BRMS1L: variants seen among roughly 807,000 people sequenced by gnomAD.
BRMS1L encodes the protein BRMS1 like transcriptional repressor, also known as breast cancer metastasis-suppressor 1-like protein.
In BRMS1L, 23 loss-of-function variants were observed where a neutral mutation model predicts 50.3. That is an observed-to-expected ratio of 0.46 (90% CI 0.33 to 0.65). The LOEUF is 0.65. BRMS1L is among the 30% of genes least tolerant of loss of function. The probability of loss-of-function intolerance (pLI) is 0.02; values close to 1 mark genes in which losing one functional copy is unlikely to be tolerated. For synonymous variants in BRMS1L, 114 were observed against 126.9 expected, an observed-to-expected ratio of 0.90 and a Z score of 0.69; for missense variants, 286 against 386.1, an observed-to-expected ratio of 0.74 and a Z score of 2.17.
intron 4 of BRMS1L, among the ~76,000 whole-genome samples, chr14:35,840,601 GGT>G (rs1156290465): frequency 6.6e-6 from 1 of 152,066 alleles, no homozygotes; most frequent in Non-Finnish European, 1.5e-5. Context: ...GTGTTGGGAA[GGT>G]GTGTGTGTTC....
chr14:35,850,480 G>A (rs756804370), intron 4 of BRMS1L, among the ~76,000 whole-genome samples: 5 of 152,150 alleles, frequency 3.3e-5, no homozygotes, highest in Non-Finnish European at 7.4e-5. Flanking sequence ...ACAGGCGTGA[G>A]CCACTGTGCC....
intron 4 of BRMS1L, among the ~76,000 whole-genome samples, chr14:35,837,289 AT>A (rs1435027305): frequency 6.6e-6 from 1 of 151,904 alleles, no homozygotes; most frequent in Non-Finnish European, 1.5e-5. Context: ...TTCTAATTTT[AT>A]TTTTTTGTGT....
At chr14:35,833,205 A>G (rs1194416867) in intron 3 of BRMS1L, 100 bp downstream of exon 3, 10 of 1,238,560 alleles carry the variant, frequency 8.1e-6, no homozygotes, top group African/African-American at 3.0e-5. Context: ...TGGGATTACA[A>G]GCATATTTAC....
At chr14:35,843,358 G>A (rs181723036) in intron 4 of BRMS1L, among the ~76,000 whole-genome samples, 66 of 152,270 alleles carry the variant, frequency 4.3e-4, no homozygotes, top group African/African-American at 1.5e-3. Context: ...TTTGGATGGG[G>A]TTTCTCTGTG....
chr14:35,836,028 A>G (rs2077987942), intron 4 of BRMS1L, among the ~76,000 whole-genome samples: 1 of 152,236 alleles, frequency 6.6e-6, no homozygotes, highest in South Asian at 2.1e-4. Flanking sequence ...TAAAAATGAT[A>G]GAGCTCATTG....
chr14:35,841,997 G>GTTTTTT (rs2078070911), intron 4 of BRMS1L, among the ~76,000 whole-genome samples: 1 of 133,560 alleles, frequency 7.5e-6, no homozygotes, highest in African/African-American at 3.0e-5. Flanking sequence ...TGCAATCTCT[G>GTTTTTT]CTTTTTTTTT....
intron 8 of BRMS1L, 122 bp from the exon 9 acceptor site, chr14:35,867,784 T>C (rs2078440520): frequency 1.1e-6 from 1 of 912,262 alleles, no homozygotes; most frequent in East Asian, 3.0e-5. Flanking sequence ...GTTTGTTATT[T>C]AAGAAATATT....
Position 35,871,394 on chromosome 14 carries a change from C to T in BRMS1L, c.*917C>T, listed in dbSNP as rs982943571. On this transcript the variant is annotated 3_prime_UTR_variant, in exon 10 of 10. Coordinates refer to ENST00000216807, the MANE Select transcript of BRMS1L (RefSeq NM_032352.4). ...GGGATTATTTCCTTGAATCTATTTC[C>T]AAATTAATATTTTTTTCTTTGGTAT... 1 of 152,564 alleles carries T rather than the reference C, an allele frequency of 6.6e-6. No homozygotes were observed. The highest frequency in any genetic ancestry group is 2.4e-5 in the African/African-American group (1 of 41,432). The allele number at this position is 152,564 out of a possible 1,614,324, so 9.5% of individuals were successfully genotyped here. A position where few individuals can be genotyped will look rare whatever the true frequency, so the allele number is the denominator to read the frequency against.
chr14:35,828,391 C>G (rs1258185567), intron 1 of BRMS1L, among the ~76,000 whole-genome samples: 1 of 151,138 alleles, frequency 6.6e-6, no homozygotes, highest in Non-Finnish European at 1.5e-5. Flanking sequence ...CCAGGCTGGT[C>G]TCGAACTCCT....
At chr14:35,827,533 A>C (rs1486207848) in intron 1 of BRMS1L, among the ~76,000 whole-genome samples, 1 of 152,254 alleles carries the variant, frequency 6.6e-6, no homozygotes, top group East Asian at 1.9e-4. Context: ...AGTATCACCC[A>C]GATGCCCTCT....
intron 2 of BRMS1L, among the ~76,000 whole-genome samples, chr14:35,832,454 C>T (rs1595659641): frequency 6.7e-6 from 1 of 148,766 alleles, no homozygotes; most frequent in African/African-American, 2.5e-5. Context: ...TTGAAGTGAG[C>T]GAGATTGCGC....
Position 35,826,616 on chromosome 14 carries a change from G to A in BRMS1L, c.100G>A (p.Asp34Asn), listed in dbSNP as rs1226004841. ...TGAGGGGAGCAGCTCCGAGGACGAGGACACTGAGAGCTCGTCGGTCTCCGA... is the reference window on the plus strand; with the variant it reads ...TGAGGGGAGCAGCTCCGAGGACGAGAACACTGAGAGCTCGTCGGTCTCCGA... ...ENEGSSSEDE[D>N]TESSSVSEDG... The change falls in exon 1 of 10, where the codon GAC becomes AAC. Residue 34 changes from aspartate (D) to asparagine (N), a missense_variant. Transcript: ENST00000216807. 1 of 1,612,466 alleles carries A rather than the reference G, an allele frequency of 6.2e-7. No individual in the cohort carries two copies. Among genetic ancestry groups the A allele is most frequent in the South Asian group, 1.1e-5 (1 of 90,484 alleles).
At chr14:35,835,884 A>T (rs76946062) in intron 4 of BRMS1L, among the ~76,000 whole-genome samples, 3,374 of 152,252 alleles carry the variant, frequency 0.022, 130 homozygotes, top group South Asian at 0.14. Context: ...AAAAAACCCC[A>T]TAGTGCCCGT....
Position 35,831,484 on chromosome 14 carries a change from A to G in BRMS1L, c.217A>G (p.Thr73Ala), listed in dbSNP as rs2077917857. 1 of 1,613,426 alleles carries G rather than the reference A, an allele frequency of 6.2e-7. No homozygotes were observed. Among genetic ancestry groups the G allele is most frequent in the African/African-American group, 1.3e-5 (1 of 75,018 alleles). ...DEMSNLEKQF[T>A]DLKDQLYKER... ...AATGTCCAATCTTGAAAAACAGTTT[A>G]CCGATCTCAAAGATCAGTAAGTAGT... is the stretch of plus-strand genomic sequence containing the variant. The change falls in exon 2 of 10, where the codon ACC becomes GCC. Residue 73 changes from threonine (T) to alanine (A), a missense_variant. By Grantham distance (58) the Thr-to-Ala change is moderately conservative. Coordinates refer to ENST00000216807, the MANE Select transcript of BRMS1L (RefSeq NM_032352.4).
intron 4 of BRMS1L, among the ~76,000 whole-genome samples, chr14:35,860,880 T>C (rs2078342251): frequency 1.3e-5 from 2 of 152,226 alleles, no homozygotes; most frequent in African/African-American, 2.4e-5. Flanking sequence ...ATGTGAAGAC[T>C]AGAGGGATGT....
chr14:35,843,625 G>T (rs2078094784), intron 4 of BRMS1L, among the ~76,000 whole-genome samples: 1 of 152,218 alleles, frequency 6.6e-6, no homozygotes, highest in Admixed American at 6.5e-5. Context: ...GTCCACCCCG[G>T]CTGGGAGGTG....
intron 3 of BRMS1L, among the ~76,000 whole-genome samples, chr14:35,834,503 T>TG (rs2077966892): frequency 6.6e-6 from 1 of 152,168 alleles, no homozygotes; most frequent in South Asian, 2.1e-4. Flanking sequence ...TTATCTCCAT[T>TG]TCTATTTTGA....
At chr14:35,866,031 A>G (rs1471062757) in intron 8 of BRMS1L, 19 of 366,958 alleles carry the variant, frequency 5.2e-5, no homozygotes. Context: ...AGTGTTTTTT[A>G]TGGGCTCTGT....
chr14:35,857,810 G>A (rs2078300356), intron 4 of BRMS1L, among the ~76,000 whole-genome samples: 1 of 151,138 alleles, frequency 6.6e-6, no homozygotes, highest in East Asian at 1.9e-4. Context: ...TTAAACTTTG[G>A]AATTAATAAT....
Sources: allele counts gnomAD v4.1 joint callset (sites outside exome capture counted in the v4.1 genomes callset), GRCh38; gene constraint gnomAD v4.1.1; transcripts MANE v1.5; gene names NCBI Gene and HGNC (gene_info 2026-07-23, HGNC 2026-07-21).